Variants in CEMIP observed in about 807,000 individuals in gnomAD.
CEMIP encodes cell migration inducing hyaluronidase 1, also known as cell migration-inducing and hyaluronan-binding protein.
In CEMIP, 105 loss-of-function variants were observed where a neutral mutation model predicts 156.9. That is an observed-to-expected ratio of 0.67 (90% CI 0.57 to 0.79). The LOEUF (loss-of-function observed/expected upper bound fraction) is 0.79. Ranked by LOEUF, CEMIP falls within the 30% of genes least tolerant of loss-of-function variation. The probability of loss-of-function intolerance (pLI) is 0.00; values close to 1 mark genes in which losing one functional copy is unlikely to be tolerated. For synonymous variants in CEMIP, 676 were observed against 668.4 expected (o/e 1.01, Z -0.17); for missense variants, 1,457 against 1,769.4 (o/e 0.82, Z 3.17).
At chr15:80,886,033 T>A (rs923502424) in intron 7 of CEMIP, among the ~76,000 whole-genome samples, 2 of 152,212 alleles carry the variant, frequency 1.3e-5, no homozygotes, top group African/African-American at 4.8e-5. Context: ...ATTCAGGAAA[T>A]GAACACATAC....
chr15:80,921,447 G>A (rs995899358), intron 16 of CEMIP, among the ~76,000 whole-genome samples: 1 of 152,190 alleles, frequency 6.6e-6, no homozygotes, highest in Non-Finnish European at 1.5e-5. Context: ...TTTGATTTTT[G>A]TAAGAACCCA....
intron 25 of CEMIP, among the ~76,000 whole-genome samples, chr15:80,941,601 A>T (rs1202406311): frequency 6.6e-6 from 1 of 152,212 alleles, no homozygotes; most frequent in Admixed American, 6.5e-5. Context: ...TCGATTTACG[A>T]TGTGTGCACG....
chr15:80,933,194 C>T (rs369436626), intron 22 of CEMIP, 51 bp from the exon 23 acceptor site: 1 of 1,488,302 alleles, frequency 6.7e-7, no homozygotes, highest in Non-Finnish European at 9.4e-7. Flanking sequence ...ATGACGGCTG[C>T]AGTTTCCCTT....
At chr15:80,920,071 C>T in intron 14 of CEMIP, 23 bp from the exon 15 acceptor site, 1 of 1,612,074 alleles carries the variant, frequency 6.2e-7, no homozygotes. Context: ...CTTGGTGAAA[C>T]ACCCCTGTCT....
chr15:80,826,170 T>C (rs573039505), intron 1 of CEMIP, among the ~76,000 whole-genome samples: 3 of 152,346 alleles, frequency 2.0e-5, no homozygotes, highest in South Asian at 2.1e-4. Context: ...CTCTCAAAGA[T>C]CTTATATTTT....
chr15:80,790,084 A>G (rs1363411573), intron 1 of CEMIP, among the ~76,000 whole-genome samples: 2 of 152,034 alleles, frequency 1.3e-5, no homozygotes, highest in African/African-American at 2.4e-5. Context: ...CTCAGTGGAG[A>G]TGGCTTCTCA....
intron 14 of CEMIP, among the ~76,000 whole-genome samples, chr15:80,912,790 G>C (rs544957979): frequency 3.9e-5 from 6 of 152,150 alleles, no homozygotes; most frequent in Non-Finnish European, 7.3e-5. Context: ...ATCTCCATCA[G>C]TATTTTACAT....
intron 13 of CEMIP, among the ~76,000 whole-genome samples, chr15:80,907,804 C>T (rs894490070): frequency 1.3e-5 from 2 of 152,228 alleles, no homozygotes; most frequent in African/African-American, 2.4e-5. Context: ...AAGATACCCA[C>T]AATTTCTTCA....
intron 25 of CEMIP, among the ~76,000 whole-genome samples, chr15:80,938,597 A>G (rs2141964757): frequency 6.6e-6 from 1 of 152,266 alleles, no homozygotes; most frequent in Non-Finnish European, 1.5e-5. Context: ...AGAGAGAGTG[A>G]GAGATGGGCA....
In CEMIP at chr15:80,932,033, C is replaced by T. The variant is rs115866577; in HGVS notation, c.2787C>T (p.Asp929=). 1,691 of 1,613,528 alleles carry T rather than the reference C, an allele frequency of 1.0e-3. 13 individuals are homozygous for T. In the African/African-American group the frequency reaches 0.013, roughly 13 times the overall value. Residue 929 remains aspartate (D), a synonymous_variant, in exon 22 of 30, where the codon GAC becomes GAT. Coordinates refer to ENST00000394685, the MANE Select transcript of CEMIP (RefSeq NM_001293298.2). The surrounding 1 kb of genome is among the most constrained non-coding windows in gnomAD (Gnocchi z 4.5). ...HNNVTGIAFE[D]VPITSRVFFG... is the part of the protein sequence containing the mutation. ...ACGTGACCGGCATTGCCTTTGAGGACGTTCCGGTGAGTGAGGCGCCAGGGC... is the reference window on the plus strand; with the variant it reads ...ACGTGACCGGCATTGCCTTTGAGGATGTTCCGGTGAGTGAGGCGCCAGGGC...
intron 14 of CEMIP, among the ~76,000 whole-genome samples, chr15:80,910,428 C>A (rs770994345): frequency 6.6e-6 from 1 of 152,190 alleles, no homozygotes; most frequent in Non-Finnish European, 1.5e-5. Context: ...AGTTTGTAAG[C>A]ACTGCTTTAA....
intron 3 of CEMIP, among the ~76,000 whole-genome samples, chr15:80,875,019 GCA>G (rs1167011185): frequency 7.6e-5 from 10 of 131,634 alleles, no homozygotes; most frequent in African/African-American, 2.8e-4. Context: ...ATAGCAAGTA[GCA>G]TTTTTTTTTT....
chr15:80,923,789 T>C (rs941950373), intron 17 of CEMIP, among the ~76,000 whole-genome samples: 7 of 152,124 alleles, frequency 4.6e-5, no homozygotes, highest in Non-Finnish European at 1.0e-4. Flanking sequence ...AACCATCCTG[T>C]GACATAGGTA....
chr15:80,853,325 G>A (rs1404061747), intron 1 of CEMIP, among the ~76,000 whole-genome samples: 1 of 152,188 alleles, frequency 6.6e-6, no homozygotes, highest in Non-Finnish European at 1.5e-5. Flanking sequence ...TTCAAAGGCA[G>A]GAATAAAGCC....
intron 14 of CEMIP, among the ~76,000 whole-genome samples, chr15:80,911,374 A>C (rs769995455): frequency 8.3e-4 from 127 of 152,372 alleles, no homozygotes; most frequent in Non-Finnish European, 1.6e-3. Context: ...ACTTGTTCTA[A>C]GCATTTTTGT....
At chr15:80,908,271 CTT>C (rs1190353131) in intron 13 of CEMIP, among the ~76,000 whole-genome samples, 2 of 152,200 alleles carry the variant, frequency 1.3e-5, no homozygotes, top group Non-Finnish European at 2.9e-5. Flanking sequence ...TCAGGGGACT[CTT>C]TCCCACTGAG....
At position 80,881,155 on chromosome 15, in the gene CEMIP, T is replaced by G; in HGVS notation, c.617+19T>G. 2 of 1,594,340 alleles carry G rather than the reference T, an allele frequency of 1.3e-6. No individual in the cohort carries two copies. Among genetic ancestry groups the G allele is most frequent in the Non-Finnish European group, 1.7e-6 (2 of 1,162,028 alleles). On this transcript the variant is annotated intron_variant, in intron 6 of 29. Coordinates refer to ENST00000394685, the MANE Select transcript of CEMIP (RefSeq NM_001293298.2). ...CTGACCGGTAAGGTTTGCCTTCACT[T>G]AAACGTATACTCATTCATTCAAAGT...
chr15:80,917,120 T>C (rs28485135), intron 14 of CEMIP, among the ~76,000 whole-genome samples: 10,376 of 152,262 alleles, frequency 0.068, 1,174 homozygotes, highest in African/African-American at 0.24. Flanking sequence ...CGGTCATTTT[T>C]CTTCCTTTCA....
At chr15:80,922,897 A>G (rs1900526686) in intron 17 of CEMIP, among the ~76,000 whole-genome samples, 1 of 152,184 alleles carries the variant, frequency 6.6e-6, no homozygotes. Context: ...GGTGGTCTCA[A>G]GGATGCCAGG....
Sources: gnomAD v4.1 joint callset for allele counts (sites outside exome capture counted in the v4.1 genomes callset) on GRCh38, gnomAD v4.1.1 for gene constraint, Gnocchi (gnomAD v3.1) non-coding constraint, MANE v1.5 for transcripts, NCBI Gene and HGNC (gene_info 2026-07-23, HGNC 2026-07-21) for gene names.